MYOM2: variants seen among roughly 807,000 people sequenced by gnomAD.
MYOM2 encodes myomesin-2.
In MYOM2, 254 loss-of-function variants were observed where a neutral mutation model predicts 187.6. The ratio of observed to expected loss-of-function variants is 1.35; its 90% CI spans 1.22 to 1.50. The LOEUF is 1.50. Ranked by LOEUF, MYOM2 falls within the 40% of genes most tolerant of loss-of-function variation. The pLI, the probability that MYOM2 is intolerant of heterozygous loss-of-function variation, is 0.00. For missense variants in MYOM2, 2,796 were observed against 1,924.0 expected (o/e 1.45, Z -8.48); for synonymous variants, 981 against 753.8 (o/e 1.30, Z -4.94).
intron 3 of MYOM2, 116 bp downstream of exon 3, chr8:2,052,429 G>A: frequency 1.7e-6 from 2 of 1,145,290 alleles, no homozygotes; most frequent in South Asian, 1.9e-5. Context: ...AGGAACACAG[G>A]CCATGCCTGG....
At chr8:2,053,958 G>C (rs1818573831) in intron 3 of MYOM2, among the ~76,000 whole-genome samples, 1 of 152,070 alleles carries the variant, frequency 6.6e-6, no homozygotes, top group Non-Finnish European at 1.5e-5. Flanking sequence ...TCAGTGAGTT[G>C]GGCAAGTTCT....
At chr8:2,070,561 G>A (rs1819179767) in intron 8 of MYOM2, among the ~76,000 whole-genome samples, 1 of 152,162 alleles carries the variant, frequency 6.6e-6, no homozygotes, top group Non-Finnish European at 1.5e-5. Flanking sequence ...GTGGAGAGTT[G>A]CCCCAGGCAC....
intron 21 of MYOM2, 79 bp from the exon 22 acceptor site, chr8:2,106,163 A>G: frequency 2.0e-6 from 3 of 1,463,776 alleles, no homozygotes; most frequent in Non-Finnish European, 2.8e-6. Flanking sequence ...GCGGAGCCAA[A>G]CCATATCACC....
Position 2,076,152 on chromosome 8 carries a change from C to T in MYOM2, c.1132C>T (p.Leu378=), listed in dbSNP as rs1323973609. Reference sequence around the variant, plus strand: ...CTCCCTGCCCCAAGATGCTGACCCGCTGGTCACAGGGGCCCCCGGTGCACC... The same window carrying T: ...CTCCCTGCCCCAAGATGCTGACCCGTTGGTCACAGGGGCCCCCGGTGCACC... ...AFLFVRDADP[L]VTGAPGAPMD... Residue 378 remains leucine, a synonymous_variant, in exon 11 of 37, where the codon CTG becomes TTG. Coordinates refer to ENST00000262113, the MANE Select transcript of MYOM2 (RefSeq NM_003970.4). The T allele has an allele frequency of 6.2e-7, 1 of 1,612,130 alleles. No homozygotes were observed. The highest frequency in any genetic ancestry group is 8.5e-7 in the Non-Finnish European group (1 of 1,179,662).
At chr8:2,114,573 C>G (rs1255487817) in intron 25 of MYOM2, among the ~76,000 whole-genome samples, 1 of 152,126 alleles carries the variant, frequency 6.6e-6, no homozygotes, top group African/African-American at 2.4e-5. Flanking sequence ...CTCCTGAGTT[C>G]AAGCTCATGC....
In MYOM2 at chr8:2,059,140, C is replaced by G; in HGVS notation, c.561-13C>G. 1 of 1,612,200 alleles carries G rather than the reference C, an allele frequency of 6.2e-7. No homozygotes were observed. Among genetic ancestry groups the G allele is most frequent in the Non-Finnish European group, 8.5e-7 (1 of 1,178,434 alleles). On this transcript the variant is annotated splice_polypyrimidine_tract_variant and intron_variant, in intron 5 of 36. Transcript: ENST00000262113. ...CTCTGCCTTTAAACTAAAAACATGC[C>G]TCCCTCATTTAGGTACAAAGATGGC...
intron 28 of MYOM2, among the ~76,000 whole-genome samples, chr8:2,121,460 A>T (rs192659870): frequency 5.3e-5 from 8 of 152,272 alleles, no homozygotes; most frequent in African/African-American, 1.9e-4. Context: ...GTGATTCATA[A>T]ATCTTTAAAC....
chr8:2,132,254 G>C (rs62479972), intron 32 of MYOM2, among the ~76,000 whole-genome samples: 21,152 of 152,128 alleles, frequency 0.14, 2,573 homozygotes, highest in African/African-American at 0.31. Context: ...GTGTTAATGG[G>C]TGACATGGAA....
rs371027132 is a variant in MYOM2 at position 2,101,078 on chromosome 8, G to C, written c.2619+24G>C. On this transcript the variant is annotated intron_variant, in intron 20 of 36. Transcript: ENST00000262113. ...AGGTAAGTCTTGGCCGGCTGTGGTG[G>C]CTCATGCCTGTAATCCCAGCACTTT... 493 of 1,611,388 alleles carry C rather than the reference G, an allele frequency of 3.1e-4. 6 individuals are homozygous for C. The South Asian group carries it at 5.2e-3, about 17-fold the overall frequency.
chr8:2,085,243 C>A lies in MYOM2; in HGVS notation c.1517-20C>A, dbSNP rs186928393. On this transcript the variant is annotated intron_variant, in intron 13 of 36. Coordinates refer to ENST00000262113, the MANE Select transcript of MYOM2 (RefSeq NM_003970.4). Reference sequence around the variant, plus strand: ...CTGATGGGGGTCCTTCAGCACTCACCGAATTTATTATTCCTCCAGGTGACG... The same window carrying A: ...CTGATGGGGGTCCTTCAGCACTCACAGAATTTATTATTCCTCCAGGTGACG... 3 of 1,612,742 alleles carry A rather than the reference C, an allele frequency of 1.9e-6. No individual in the cohort carries two copies. Among genetic ancestry groups the A allele is most frequent in the East Asian group, 4.5e-5 (2 of 44,860 alleles).
rs781491386 is a variant in MYOM2 at position 2,096,327 on chromosome 8, T to C, written c.2206T>C (p.Phe736Leu). ...GACCCTCGGCTGGAAGGTCCCGAAA[T>C]TCAGTGGTGGCTCGCCCATCCTGGG... The part of the protein sequence containing the change: ...SMTLGWKVPK[F>L]SGGSPILGYY... Residue 736 changes from phenylalanine to leucine, a missense_variant, in exon 18 of 37, where the codon TTC becomes CTC. Coordinates refer to ENST00000262113, the MANE Select transcript of MYOM2 (RefSeq NM_003970.4). The C allele has an allele frequency of 4.3e-6, 7 of 1,614,042 alleles. No homozygotes were observed. In the South Asian group the frequency reaches 6.6e-5, roughly 15 times the overall value.
At chr8:2,122,833 C>G (rs578207801) in intron 28 of MYOM2, among the ~76,000 whole-genome samples, 4 of 152,186 alleles carry the variant, frequency 2.6e-5, no homozygotes, top group Non-Finnish European at 5.9e-5. Flanking sequence ...TGTCCCTGTA[C>G]CTGAAATGGG....
rs146479506 is a variant in MYOM2, at chr8:2,085,300, C to G, written c.1554C>G (p.His518Gln). 79 of 1,614,046 alleles carry G rather than the reference C, an allele frequency of 4.9e-5. No individual in the cohort carries two copies. Among genetic ancestry groups the G allele is most frequent in the Non-Finnish European group, 4.8e-5 (57 of 1,180,032 alleles). Residue 518 changes from histidine to glutamine, a missense_variant, in exon 14 of 37, where the codon CAC becomes CAG. Coordinates refer to ENST00000262113, the MANE Select transcript of MYOM2 (RefSeq NM_003970.4). ...TTCCAGGGCCTCCCACCGGTGTGCA[C>G]GCTTCCGAGATCAGCAGAAACTATG... ...AQVPGPPTGV[H>Q]ASEISRNYVV...
intron 15 of MYOM2, 151 bp downstream of exon 15, chr8:2,090,342 G>A: frequency 1.5e-6 from 1 of 646,264 alleles, no homozygotes; most frequent in South Asian, 3.5e-5. Context: ...GAGATTAAGA[G>A]CTCTCTGCCA....
chr8:2,055,777 C>T (rs749768648), intron 3 of MYOM2, among the ~76,000 whole-genome samples: 5 of 152,186 alleles, frequency 3.3e-5, no homozygotes, highest in African/African-American at 7.2e-5. Context: ...GGGTCTCGGA[C>T]AGGCCTTACC....
intron 6 of MYOM2, among the ~76,000 whole-genome samples, chr8:2,066,327 G>A (rs144074587): frequency 2.0e-5 from 3 of 152,302 alleles, no homozygotes; most frequent in South Asian, 2.1e-4. Flanking sequence ...AGCAGATTCC[G>A]ATCAAGCAGA....
In MYOM2 at chr8:2,123,575, T is replaced by C. The variant is rs1424346221; in HGVS notation, c.3588T>C (p.Gly1196=). 1.9e-6 allele frequency: 3 copies of C among 1,614,158 alleles called. No homozygotes were observed. The Admixed American group carries it at 5.0e-5, about 27-fold the overall frequency. Reference sequence around the variant, plus strand: ...TGTAGTTGTCAAAGAAGGACCACGGTGAATACAAGGCAACCTTGAAAGATG... The same window carrying C: ...TGTAGTTGTCAAAGAAGGACCACGGCGAATACAAGGCAACCTTGAAAGATG... ...LIPKLSKKDH[G]EYKATLKDDR... is the part of the protein sequence containing the mutation. The change falls in exon 30 of 37, where the codon GGT becomes GGC. Residue 1196 remains glycine, a synonymous_variant. Coordinates refer to ENST00000262113, the MANE Select transcript of MYOM2 (RefSeq NM_003970.4).
chr8:2,061,847 C>G (rs1264095059), intron 6 of MYOM2, among the ~76,000 whole-genome samples: 1 of 152,226 alleles, frequency 6.6e-6, no homozygotes, highest in Non-Finnish European at 1.5e-5. Context: ...TGCTGTGTGC[C>G]TGGTGCTATC....
intron 10 of MYOM2, among the ~76,000 whole-genome samples, chr8:2,073,997 A>C (rs1173043493): frequency 6.6e-6 from 1 of 152,166 alleles, no homozygotes; most frequent in Non-Finnish European, 1.5e-5. Context: ...CTCGTGCTTA[A>C]GACACTTGTG....
Sources: allele counts gnomAD v4.1 joint callset (sites outside exome capture counted in the v4.1 genomes callset), GRCh38; gene constraint gnomAD v4.1.1; transcripts MANE v1.5; gene names NCBI Gene and HGNC (gene_info 2026-07-23, HGNC 2026-07-21).